MTHFS: variants seen among roughly 807,000 people sequenced by gnomAD.
MTHFS encodes 5-formyltetrahydrofolate cyclo-ligase.
A neutral mutation model predicts 12.7 loss-of-function variants in MTHFS; 7 were observed. The observed-to-expected ratio is 0.55, with a 90% confidence interval of 0.31 to 1.03. The LOEUF is 1.03. Among genes scored for constraint, MTHFS ranks in the 50% least tolerant of loss-of-function variants. The probability of loss-of-function intolerance (pLI) is 0.05; values close to 1 mark genes in which losing one functional copy is unlikely to be tolerated. For missense variants in MTHFS, 252 were observed against 258.1 expected, an observed-to-expected ratio of 0.98 and a Z score of 0.16; for synonymous variants, 100 against 97.1, an observed-to-expected ratio of 1.03 and a Z score of -0.18.
At chr15:79,888,968 C>A (rs16971499) in intron 2 of MTHFS, 125 bp downstream of exon 2, 13 of 1,420,588 alleles carry the variant, frequency 9.2e-6, no homozygotes, top group Non-Finnish European at 1.2e-5. Flanking sequence ...TGTCTTGGAA[C>A]GTAGGCAAAA....
Position 79,861,650 on chromosome 15 carries a change from T to C in MTHFS, c.380-16208A>G, listed in dbSNP as rs80302913. On this transcript the variant is annotated intron_variant, in intron 2 of 2. Coordinates refer to ENST00000258874, the MANE Select transcript of MTHFS (RefSeq NM_006441.4). The stretch of plus-strand genomic sequence containing the variant: ...AAAATATCTATCAGGATGTTCTTTT[T>C]TATTTTTATTTGTAATACCTAAAAA... Among the ~76,000 whole-genome samples the C allele has an allele frequency of 0.022, 3,282 of 152,350 alleles. 195 individuals carry two copies. In the East Asian group the frequency reaches 0.23, roughly 10 times the overall value.
chr15:79,854,966 T>C (rs527481998), intron 2 of MTHFS, among the ~76,000 whole-genome samples: 1 of 152,298 alleles, frequency 6.6e-6, no homozygotes, highest in East Asian at 1.9e-4. Flanking sequence ...TTGCAAACTA[T>C]AGCCTGCAAG....
At chr15:79,846,517 A>C (rs1009614033) in intron 2 of MTHFS, among the ~76,000 whole-genome samples, 1 of 152,204 alleles carries the variant, frequency 6.6e-6, no homozygotes, top group Non-Finnish European at 1.5e-5. Context: ...GCTAGCCCCC[A>C]CTATCAGCAG....
upstream of MTHFS, chr15:79,897,219 C>A: frequency 2.2e-6 from 1 of 446,164 alleles, no homozygotes; most frequent in Non-Finnish European, 3.9e-6. Flanking sequence ...GGCTCGCCCT[C>A]CCCGGTTAGG....
At position 79,889,247 on chromosome 15, in the gene MTHFS, G is replaced by C. The variant is rs1465780041; in HGVS notation, c.225C>G (p.Gly75=). The C allele has an allele frequency of 6.2e-6, 10 of 1,614,050 alleles. No individual in the cohort carries two copies. The highest frequency in any genetic ancestry group is 1.3e-5 in the African/African-American group (1 of 74,916). Reference sequence around the variant, plus strand: ...GGTACCGAGGGATGAAGCAGATTTTGCCTCGTTGGAAAATGTCCTTGATGA... The same window carrying C: ...GGTACCGAGGGATGAAGCAGATTTTCCCTCGTTGGAAAATGTCCTTGATGA... ...EEIIKDIFQR[G]KICFIPRYRF... is the part of the protein sequence containing the mutation. Residue 75 remains glycine (G), a synonymous_variant, in exon 2 of 3, where the codon GGC becomes GGG. Coordinates refer to ENST00000258874, the MANE Select transcript of MTHFS (RefSeq NM_006441.4).
chr15:79,848,512 T>TA (rs1566986303), intron 2 of MTHFS, among the ~76,000 whole-genome samples: 1 of 150,148 alleles, frequency 6.7e-6, no homozygotes, highest in East Asian at 2.0e-4. Context: ...TTTACCACAA[T>TA]AAAAAATTTA....
At chr15:79,867,370 A>G (rs1177788802) in intron 2 of MTHFS, among the ~76,000 whole-genome samples, 3 of 150,926 alleles carry the variant, frequency 2.0e-5, no homozygotes, top group African/African-American at 7.4e-5. Context: ...AAGATTACGT[A>G]GCAAAAAAAA....
At position 79,862,749 on chromosome 15, in the gene MTHFS, C is replaced by T. The variant is rs1238688706; in HGVS notation, c.380-17307G>A. On this transcript the variant is annotated intron_variant, in intron 2 of 2. Transcript: ENST00000258874. ...AATTTATATTTATAGTTTCTCTCTA[C>T]TTTTATAAATTATACTAGGCTACAA... Among the ~76,000 whole-genome samples, 4 of 152,140 alleles carry T rather than the reference C, an allele frequency of 2.6e-5. No individual in the cohort carries two copies. The East Asian group carries it at 5.8e-4, about 22-fold the overall frequency.
chr15:79,892,125 A>G lies in MTHFS; in HGVS notation c.118-2771T>C, dbSNP rs558267053. Among the ~76,000 whole-genome samples the G allele has an allele frequency of 3.3e-5, 5 of 152,282 alleles. No homozygotes were observed. The South Asian group carries it at 1.0e-3, about 32-fold the overall frequency. On this transcript the variant is annotated intron_variant, in intron 1 of 2. Transcript: ENST00000258874. ...TAAAACATTTCCTAATGTATATTTA[A>G]AAGTTTACCACCCCCAAAGATACTT...
intron 2 of MTHFS, among the ~76,000 whole-genome samples, chr15:79,866,601 A>G (rs1448877672): frequency 6.6e-6 from 1 of 152,190 alleles, no homozygotes; most frequent in Non-Finnish European, 1.5e-5. Flanking sequence ...GTGCACGTGC[A>G]TACACAGAAC....
intron 1 of MTHFS, among the ~76,000 whole-genome samples, chr15:79,892,679 G>A (rs1429685782): frequency 6.6e-6 from 1 of 152,198 alleles, no homozygotes; most frequent in Non-Finnish European, 1.5e-5. Flanking sequence ...ACGGCTGGGC[G>A]TGGTGGCTCA....
intron 2 of MTHFS, among the ~76,000 whole-genome samples, chr15:79,883,197 T>C (rs2034325734): frequency 6.6e-6 from 1 of 152,210 alleles, no homozygotes; most frequent in African/African-American, 2.4e-5. Flanking sequence ...GAGTGAGACC[T>C]TGTCTCTAAA....
In MTHFS at chr15:79,845,298, A is replaced by G. The variant is rs755791729; in HGVS notation, c.524T>C (p.Phe175Ser). 6.2e-7 allele frequency: 1 copy of G among 1,614,054 alleles called. No homozygotes were observed. Among genetic ancestry groups the G allele is most frequent in the Non-Finnish European group, 8.5e-7 (1 of 1,180,034 alleles). The change falls in exon 3 of 3, where the codon TTC (phenylalanine) becomes TCC (serine). Residue 175 changes from phenylalanine (F) to serine (S), a missense_variant. Phe to Ser is a radical substitution (Grantham distance 155, BLOSUM62 -2). Transcript: ENST00000258874. ...GACCTGGAGGCAAATCTGTTCTTTGAAAGCCAACGCCAGGGTGTAGGGCTT... is the reference window on the plus strand; with the variant it reads ...GACCTGGAGGCAAATCTGTTCTTTGGAAGCCAACGCCAGGGTGTAGGGCTT... Reference protein sequence around the residue: ...EVKPYTLALAFKEQICLQVPV... With the variant: ...EVKPYTLALASKEQICLQVPV...
chr15:79,892,587 A>C (rs1255627456), intron 1 of MTHFS, among the ~76,000 whole-genome samples: 19 of 152,344 alleles, frequency 1.2e-4, no homozygotes, highest in Non-Finnish European at 1.2e-4. Flanking sequence ...ACACATATCT[A>C]GTGACATAAA....
chr15:79,853,214 C>T (rs1483781686), intron 2 of MTHFS, among the ~76,000 whole-genome samples: 1 of 152,168 alleles, frequency 6.6e-6, no homozygotes, highest in Non-Finnish European at 1.5e-5. Flanking sequence ...TTTACACTTT[C>T]ATAGTACTCT....
chr15:79,880,615 C>CA (rs891635364), intron 2 of MTHFS, among the ~76,000 whole-genome samples: 47 of 145,084 alleles, frequency 3.2e-4, no homozygotes, highest in South Asian at 4.3e-4. Flanking sequence ...CCAAACACAC[C>CA]AAAAAAAAAA....
At chr15:79,854,042 G>A (rs2033759119) in intron 2 of MTHFS, among the ~76,000 whole-genome samples, 1 of 152,166 alleles carries the variant, frequency 6.6e-6, no homozygotes, top group African/African-American at 2.4e-5. Flanking sequence ...AATGTGAATG[G>A]TAGTGTAGCT....
At chr15:79,857,436 T>G (rs753890347) in intron 2 of MTHFS, among the ~76,000 whole-genome samples, 1 of 152,154 alleles carries the variant, frequency 6.6e-6, no homozygotes, top group Non-Finnish European at 1.5e-5. Context: ...ACCTCTCTGG[T>G]TCAGTATATT....
chr15:79,862,020 T>C (rs2033924349), intron 2 of MTHFS, among the ~76,000 whole-genome samples: 1 of 152,148 alleles, frequency 6.6e-6, no homozygotes, highest in Admixed American at 6.5e-5. Context: ...ATTAGTTAGA[T>C]GGCATGTAAT....
Sources: allele counts gnomAD v4.1 joint callset (sites outside exome capture counted in the v4.1 genomes callset), GRCh38; gene constraint gnomAD v4.1.1; transcripts MANE v1.5; gene names NCBI Gene and HGNC (gene_info 2026-07-23, HGNC 2026-07-21).